The following GPNMB variants were observed in gnomAD, a reference collection of about 807,000 sequenced individuals.
The protein encoded by GPNMB is glycoprotein nmb.
Under a neutral mutation model 57.3 loss-of-function variants are expected in GPNMB, and 71 were observed. The observed-to-expected ratio is 1.24, with a 90% CI of 1.02 to 1.51. GPNMB has a LOEUF of 1.51. GPNMB is among the 40% of genes most tolerant of loss of function. GPNMB has a pLI of 0.00. For synonymous variants in GPNMB, 253 were observed against 263.2 expected (o/e 0.96, Z 0.38); for missense variants, 677 against 691.9 (o/e 0.98, Z 0.24).
intron 4 of GPNMB, chr7:23,258,104 G>C (rs1782825580): frequency 6.6e-6 from 1 of 151,970 alleles, no homozygotes; most frequent in Non-Finnish European, 1.5e-5. Flanking sequence ...GTATTATTGG[G>C]GAAATGATTA....
intron 9 of GPNMB, among the ~76,000 whole-genome samples, chr7:23,270,513 A>C (rs1231532641): frequency 6.6e-6 from 1 of 152,148 alleles, no homozygotes; most frequent in Non-Finnish European, 1.5e-5. Flanking sequence ...AATATCAAAA[A>C]ATAGCAGTGT....
rs35143635 is a variant in GPNMB, at chr7:23,264,096, GAA to G, written c.1019-2406_1019-2405del. Among the ~76,000 whole-genome samples the G allele has an allele frequency of 8.1e-3, 893 of 109,666 alleles. 44 individuals carry two copies. In the East Asian group the frequency reaches 0.18, roughly 22 times the overall value. 71.9% of individuals were successfully genotyped at this position (109,666 alleles called of 152,430 possible). On this transcript the variant is annotated intron_variant, in intron 6 of 10. Coordinates refer to ENST00000258733, the MANE Select transcript of GPNMB (RefSeq NM_002510.3). ...GTTTTTCAGACTTGTGAACAAATCT[GAA>G]AAAAAAAAAAAAAACCTTTTGTAAG...
Position 23,260,779 on chromosome 7 carries a change from G to T in GPNMB, c.1018+6G>T, listed in dbSNP as rs911885330. The T allele has an allele frequency of 2.0e-6, 3 of 1,515,082 alleles. No homozygotes were observed. Among genetic ancestry groups the T allele is most frequent in the Non-Finnish European group, 2.6e-6 (3 of 1,134,190 alleles). 93.9% of individuals were successfully genotyped at this position (1,515,082 alleles called of 1,614,324 possible). ...AAAACCCACCCCTTCTTTAGGTAAG[G>T]TTTCGCAGTGATCTTTGAGGGAGGC... On this transcript the variant is annotated splice_donor_region_variant and intron_variant, in intron 6 of 10. Coordinates refer to ENST00000258733, the MANE Select transcript of GPNMB (RefSeq NM_002510.3).
At position 23,267,613 on chromosome 7, in the gene GPNMB, T is replaced by G. The variant is rs533045831; in HGVS notation, c.1118-273T>G. 3.3e-5 allele frequency among the ~76,000 whole-genome samples: 5 copies of G among 152,170 alleles called. No individual in the cohort carries two copies. In the South Asian group the frequency reaches 1.0e-3, roughly 32 times the overall value. The stretch of plus-strand genomic sequence containing the variant: ...CACTTCCTGGTTCATAGATGGCAGA[T>G]AGCAGTCTTCTTGCTGTGTCCTCAT... On this transcript the variant is annotated intron_variant, in intron 7 of 10. Coordinates refer to ENST00000258733, the MANE Select transcript of GPNMB (RefSeq NM_002510.3).
chr7:23,248,533 A>G (rs572504970), intron 1 of GPNMB, among the ~76,000 whole-genome samples: 2 of 152,316 alleles, frequency 1.3e-5, no homozygotes, highest in East Asian at 3.9e-4. Context: ...CAGTGTATCA[A>G]GCACTAAAGA....
chr7:23,265,655 CTG>C (rs1419261899), intron 6 of GPNMB, among the ~76,000 whole-genome samples: 5 of 152,040 alleles, frequency 3.3e-5, no homozygotes, highest in East Asian at 1.9e-4. Flanking sequence ...AAGAAAGAAA[CTG>C]TGATTTATTA....
chr7:23,264,477 A>G (rs1296702475), intron 6 of GPNMB, among the ~76,000 whole-genome samples: 1 of 151,938 alleles, frequency 6.6e-6, no homozygotes, highest in Non-Finnish European at 1.5e-5. Flanking sequence ...GGTTCAAGTA[A>G]TTCTCCTGCT....
In GPNMB at chr7:23,266,575, T is replaced by C; in HGVS notation, c.1077T>C (p.Ile359=). Residue 359 remains isoleucine, a synonymous_variant, in exon 7 of 11, where the codon ATT becomes ATC. Coordinates refer to ENST00000258733, the MANE Select transcript of GPNMB (RefSeq NM_002510.3). The part of the protein sequence containing the change: ...LSRIPDENCQ[I]NRYGHFQATI... ...GGATTCCTGATGAAAACTGCCAGAT[T>C]AACAGATATGGCCACTTTCAAGCCA... is the stretch of plus-strand genomic sequence containing the variant. The C allele has an allele frequency of 6.2e-7, 1 of 1,613,786 alleles. No homozygotes were observed. Among genetic ancestry groups the C allele is most frequent in the Non-Finnish European group, 8.5e-7 (1 of 1,179,706 alleles).
chr7:23,271,822 TA>T lies in GPNMB; in HGVS notation c.1429+1657del, dbSNP rs76712727. Reference sequence around the variant, plus strand: ...AACAAACAAACACAACAAAAAAAACTAAAAAAAAAATTTTCTCATTAATAAT... The same window carrying T: ...AACAAACAAACACAACAAAAAAAACTAAAAAAAAATTTTCTCATTAATAAT... On this transcript the variant is annotated intron_variant, in intron 9 of 10. Transcript: ENST00000258733. Among the ~76,000 whole-genome samples, 178 of 149,786 alleles carry T rather than the reference TA, an allele frequency of 1.2e-3. 4 individuals carry two copies. In the South Asian group the frequency reaches 0.03, roughly 25 times the overall value.
Position 23,260,523 on chromosome 7 carries a change from C to T in GPNMB, c.768C>T (p.Leu256=), listed in dbSNP as rs1161402965. ...NDRNSSDETF[L]KDLPIMFDVL... ...GAAATTCATCCGACGAAACCTTCCT[C>T]AAAGATCTCCCCATTATGTTTGATG... Residue 256 remains leucine, a synonymous_variant, in exon 6 of 11, where the codon CTC becomes CTT. Coordinates refer to ENST00000258733, the MANE Select transcript of GPNMB (RefSeq NM_002510.3). 6.2e-7 allele frequency: 1 copy of T among 1,613,860 alleles called. No homozygotes were observed. The highest frequency in any genetic ancestry group is 8.5e-7 in the Non-Finnish European group (1 of 1,179,768).
intron 1 of GPNMB, among the ~76,000 whole-genome samples, chr7:23,251,596 A>G (rs1782663083): frequency 6.6e-6 from 1 of 152,216 alleles, no homozygotes; most frequent in African/African-American, 2.4e-5. Context: ...TTAATGTGTT[A>G]GCTGTTTCCT....
chr7:23,247,645 G>A (rs1782563255), intron 1 of GPNMB: 1 of 152,710 alleles, frequency 6.5e-6, no homozygotes, highest in African/African-American at 2.4e-5. Flanking sequence ...CTGGGCCTGG[G>A]ATTGCGGGGA....
At chr7:23,250,553 G>C (rs1782637940) in intron 1 of GPNMB, among the ~76,000 whole-genome samples, 1 of 141,674 alleles carries the variant, frequency 7.1e-6, no homozygotes, top group South Asian at 2.2e-4. Context: ...AACATAGTGG[G>C]ACCCCCATCT....
At chr7:23,253,592 GC>G in intron 2 of GPNMB, 133 bp downstream of exon 2, 1 of 690,996 alleles carries the variant, frequency 1.4e-6, no homozygotes, top group South Asian at 2.1e-5. Flanking sequence ...AAGTGGGGAG[GC>G]ACCTGGACTT....
At chr7:23,271,654 G>A (rs1253254761) in intron 9 of GPNMB, among the ~76,000 whole-genome samples, 2 of 152,008 alleles carry the variant, frequency 1.3e-5, no homozygotes, top group African/African-American at 4.8e-5. Flanking sequence ...AAATTAGCCA[G>A]GCATGGTGGT....
intron 7 of GPNMB, 115 bp from the exon 8 acceptor site, chr7:23,267,771 C>T: frequency 2.6e-6 from 2 of 781,760 alleles, no homozygotes; most frequent in South Asian, 1.5e-5. Flanking sequence ...TTGGGGGTTT[C>T]AACATATGAA....
At position 23,274,751 on chromosome 7, in the gene GPNMB, G is replaced by GA. The variant is rs1336706372; in HGVS notation, c.*533dup. The GA allele has an allele frequency of 6.6e-6, 1 of 152,144 alleles. No individual in the cohort carries two copies. Among genetic ancestry groups the GA allele is most frequent in the Non-Finnish European group, 1.5e-5 (1 of 68,056 alleles). The allele number at this position is 152,144 out of a possible 1,614,324, so 9.4% of individuals were successfully genotyped here. A position where few individuals can be genotyped will look rare whatever the true frequency, so the allele number is the denominator to read the frequency against. On this transcript the variant is annotated 3_prime_UTR_variant, in exon 11 of 11. Coordinates refer to ENST00000258733, the MANE Select transcript of GPNMB (RefSeq NM_002510.3). ...ATGATGTGCACACTTGCTAGACTCA[G>GA]AAAAAATACTACTCTCATAAATGGG...
chr7:23,255,788 A>C (rs1207626865), intron 3 of GPNMB, among the ~76,000 whole-genome samples: 2 of 152,204 alleles, frequency 1.3e-5, no homozygotes, highest in African/African-American at 4.8e-5. Context: ...TTTCTGGGCT[A>C]TGCGTGTTAT....
chr7:23,272,841 G>C (rs1362607290), intron 9 of GPNMB, among the ~76,000 whole-genome samples: 1 of 146,664 alleles, frequency 6.8e-6, no homozygotes, highest in African/African-American at 2.7e-5. Flanking sequence ...TTTAAAGGTG[G>C]TGATCTTTTT....
Sources: gnomAD v4.1 joint callset for allele counts (sites outside exome capture counted in the v4.1 genomes callset) on GRCh38, gnomAD v4.1.1 for gene constraint, MANE v1.5 for transcripts, NCBI Gene and HGNC (gene_info 2026-07-23, HGNC 2026-07-21) for gene names.